Variants in MYOCD observed in about 807,000 individuals in gnomAD.
MYOCD encodes the protein myocardin.
MYOCD carries 32 observed loss-of-function variants against 96.1 expected under a neutral mutation model. The ratio of observed to expected loss-of-function variants is 0.33; its 90% CI spans 0.25 to 0.45. The LOEUF (loss-of-function observed/expected upper bound fraction) is 0.45, where lower values mean the gene tolerates loss of function less well. MYOCD is among the 20% of genes least tolerant of loss of function. The pLI, the probability that MYOCD is intolerant of heterozygous loss-of-function variation, is 1.00. For synonymous variants in MYOCD, 469 were observed against 469.0 expected, an observed-to-expected ratio of 1.00 and a Z score of 0.00; for missense variants, 1,133 against 1,200.6, an observed-to-expected ratio of 0.94 and a Z score of 0.83.
At position 12,764,928 on chromosome 17, in the gene MYOCD, A is replaced by C. The variant is rs1254930339; in HGVS notation, c.*1284A>C. 6.6e-6 allele frequency: 1 copy of C among 152,242 alleles called. No individual in the cohort carries two copies. Among genetic ancestry groups the C allele is most frequent in the African/African-American group, 2.4e-5 (1 of 41,466 alleles). 9.4% of individuals were successfully genotyped at this position (152,242 alleles called of 1,614,324 possible). A position where few individuals can be genotyped will look rare whatever the true frequency, so the allele number is the denominator to read the frequency against. ...GAGGAAGAAACTGGTGACTTGGTCC[A>C]TCAGTCACGAAGTTCTTTCTATTCT... On this transcript the variant is annotated 3_prime_UTR_variant, in exon 14 of 14. Transcript: ENST00000425538.
chr17:12,715,168 A>G (rs2031600332), intron 2 of MYOCD, among the ~76,000 whole-genome samples: 1 of 152,116 alleles, frequency 6.6e-6, no homozygotes, highest in South Asian at 2.1e-4. Flanking sequence ...GGTGGTAGTT[A>G]CCCAAGTCTA....
rs775777597 is a variant in MYOCD at position 12,736,341 on chromosome 17, AAAAC to A, written c.591+9_591+12del. Reference sequence around the variant, plus strand: ...GGTTCTCTGGGGACAAACCAGGTAAAAAACAAAACAAACAAACGAAAAAAGTAAA... The same window carrying A: ...GGTTCTCTGGGGACAAACCAGGTAAAAAAACAAACAAACGAAAAAAGTAAA... On this transcript the variant is annotated splice_donor_region_variant and intron_variant, in intron 6 of 13. Coordinates refer to ENST00000425538, the MANE Select transcript of MYOCD (RefSeq NM_001146312.3). 9 of 1,610,758 alleles carry A rather than the reference AAAAC, an allele frequency of 5.6e-6. No individual in the cohort carries two copies. Among genetic ancestry groups the A allele is most frequent in the Non-Finnish European group, 7.6e-6 (9 of 1,178,320 alleles).
At chr17:12,675,540 G>A (rs991617261) in intron 1 of MYOCD, among the ~76,000 whole-genome samples, 1 of 152,126 alleles carries the variant, frequency 6.6e-6, no homozygotes, top group Non-Finnish European at 1.5e-5. Flanking sequence ...AAAACAATCC[G>A]GCAACATATT....
At chr17:12,715,669 A>C (rs183686664) in intron 3 of MYOCD, 95 bp downstream of exon 3, 4 of 943,792 alleles carry the variant, frequency 4.2e-6, no homozygotes, top group East Asian at 5.2e-5. Flanking sequence ...TTCCTACAAC[A>C]AACACAATCA....
intron 12 of MYOCD, 64 bp downstream of exon 12, chr17:12,758,277 A>G: frequency 6.2e-7 from 1 of 1,606,860 alleles, no homozygotes. Context: ...ATTGTTTGAT[A>G]TGATTAAACT....
At chr17:12,720,195 C>G (rs1050602491) in intron 4 of MYOCD, 22 of 151,968 alleles carry the variant, frequency 1.4e-4, no homozygotes, top group African/African-American at 5.1e-4. Context: ...GTGGGAGGGC[C>G]AGTCTTTTCA....
intron 1 of MYOCD, among the ~76,000 whole-genome samples, chr17:12,669,478 T>C (rs1330682746): frequency 2.6e-5 from 4 of 152,182 alleles, no homozygotes; most frequent in Non-Finnish European, 5.9e-5. Flanking sequence ...TACAGAATGC[T>C]CAGTTCAATG....
intron 2 of MYOCD, among the ~76,000 whole-genome samples, chr17:12,709,952 A>C (rs949428625): frequency 3.3e-5 from 5 of 152,208 alleles, no homozygotes; most frequent in Non-Finnish European, 7.3e-5. Flanking sequence ...ATGACCAGCC[A>C]TGTAAATCAG....
chr17:12,672,688 T>C (rs1305800446), intron 1 of MYOCD, among the ~76,000 whole-genome samples: 1 of 152,216 alleles, frequency 6.6e-6, no homozygotes, highest in Non-Finnish European at 1.5e-5. Context: ...GGTACTTCTC[T>C]TATGAGTACA....
At chr17:12,745,002 A>C (rs1808294142) in intron 8 of MYOCD, among the ~76,000 whole-genome samples, 1 of 152,144 alleles carries the variant, frequency 6.6e-6, no homozygotes, top group African/African-American at 2.4e-5. Context: ...CCCTTTGGGG[A>C]AAAGGAAAGT....
chr17:12,707,900 A>G (rs969086562), intron 2 of MYOCD, among the ~76,000 whole-genome samples: 6 of 152,316 alleles, frequency 3.9e-5, no homozygotes, highest in Non-Finnish European at 7.4e-5. Context: ...CTCAGAGCCT[A>G]CCTAATTCTG....
chr17:12,681,669 C>T (rs908781586), intron 1 of MYOCD, among the ~76,000 whole-genome samples: 1 of 152,150 alleles, frequency 6.6e-6, no homozygotes, highest in Non-Finnish European at 1.5e-5. Flanking sequence ...CGGGACATCC[C>T]TTAGGATGAA....
intron 1 of MYOCD, among the ~76,000 whole-genome samples, chr17:12,704,398 A>G (rs1035718847): frequency 2.0e-5 from 3 of 152,210 alleles, no homozygotes; most frequent in African/African-American, 7.2e-5. Context: ...TGTATATGAT[A>G]TGTATAATCT....
At chr17:12,730,209 A>G (rs1314627002) in intron 5 of MYOCD, among the ~76,000 whole-genome samples, 1 of 152,074 alleles carries the variant, frequency 6.6e-6, no homozygotes, top group African/African-American at 2.4e-5. Flanking sequence ...GCACTTTGGG[A>G]GGCTGAGCGG....
At chr17:12,734,504 C>CTTTTTTTTTTTTTTTTTTTTT (rs3050319) in intron 5 of MYOCD, among the ~76,000 whole-genome samples, 1 of 65,470 alleles carries the variant, frequency 1.5e-5, no homozygotes, top group Non-Finnish European at 2.6e-5. Context: ...ACACATGATC[C>CTTTTTTTTTTTTTTTTTTTTT]TTTTTTTTTT....
chr17:12,716,974 A>G (rs2031660871), intron 3 of MYOCD, among the ~76,000 whole-genome samples: 1 of 126,046 alleles, frequency 7.9e-6, no homozygotes, highest in African/African-American at 3.2e-5. Context: ...TGGATGACAG[A>G]GATGCTGTCT....
chr17:12,745,077 C>G (rs930015850), intron 8 of MYOCD, among the ~76,000 whole-genome samples: 4 of 152,176 alleles, frequency 2.6e-5, no homozygotes, highest in Non-Finnish European at 5.9e-5. Flanking sequence ...TGAGCAATTC[C>G]GATGCCCTTC....
chr17:12,724,920 CAATTTTGTTTAGGATTGCACTG>C (rs1442593276), intron 5 of MYOCD, among the ~76,000 whole-genome samples: 1 of 152,036 alleles, frequency 6.6e-6, no homozygotes, highest in Non-Finnish European at 1.5e-5. Flanking sequence ...AATTCTATTG[CAATTTTGTTTAGGATTGCACTG>C]AATTTATATG....
At chr17:12,707,240 G>A (rs941738109) in intron 2 of MYOCD, among the ~76,000 whole-genome samples, 6 of 152,138 alleles carry the variant, frequency 3.9e-5, no homozygotes, top group Non-Finnish European at 7.4e-5. Context: ...ATTGGGAGAA[G>A]GAAAGAGGAA....
Sources: gnomAD v4.1 joint callset for allele counts (sites outside exome capture counted in the v4.1 genomes callset) on GRCh38, gnomAD v4.1.1 for gene constraint, MANE v1.5 for transcripts, NCBI Gene and HGNC (gene_info 2026-07-23, HGNC 2026-07-21) for gene names.